BAZ2B: variants seen among roughly 807,000 people sequenced by gnomAD.
BAZ2B encodes the protein bromodomain adjacent to zinc finger domain protein 2B.
BAZ2B carries 91 observed loss-of-function variants against 246.0 expected under a neutral mutation model. The observed-to-expected ratio is 0.37, with a 90% CI of 0.31 to 0.44. BAZ2B has a LOEUF of 0.44. Ranked by LOEUF, BAZ2B falls within the 20% of genes least tolerant of loss-of-function variation. BAZ2B has a pLI of 1.00. For missense variants in BAZ2B, 2,332 were observed against 2,533.7 expected (o/e 0.92, Z 1.71); for synonymous variants, 855 against 860.0 (o/e 0.99, Z 0.10).
chr2:159,488,368 C>A (rs1393640244), intron 2 of BAZ2B, among the ~76,000 whole-genome samples: 1 of 152,100 alleles, frequency 6.6e-6, no homozygotes, highest in Non-Finnish European at 1.5e-5. Context: ...CTACCGCACC[C>A]ACCAATAATT....
chr2:159,373,154 C>A lies in BAZ2B; in HGVS notation c.4104G>T (p.Ala1368=). 1.2e-6 allele frequency: 2 copies of A among 1,613,834 alleles called. No individual in the cohort carries two copies. Among genetic ancestry groups the A allele is most frequent in the East Asian group, 2.2e-5 (1 of 44,860 alleles). The change falls in exon 27 of 37, where the codon GCG becomes GCT. Residue 1368 remains alanine, a synonymous_variant. Transcript: ENST00000392783. ...ACATCACTGAACGCAATGAGTGAGA[C>A]GCATCAAAGAGCTTCCTTCTGTACT... is the stretch of plus-strand genomic sequence containing the variant. ...QSQYRRKLFD[A]SHSLRSVMFG...
At chr2:159,374,896 G>T in intron 25 of BAZ2B, 143 bp from the exon 26 acceptor site, 1 of 676,276 alleles carries the variant, frequency 1.5e-6, no homozygotes, top group Non-Finnish European at 2.5e-6. Context: ...ATCTGGTAGA[G>T]AGATACATAA....
intron 3 of BAZ2B, chr2:159,463,154 C>T: frequency 1.6e-6 from 1 of 628,752 alleles, no homozygotes; most frequent in Non-Finnish European, 3.0e-6. Context: ...AGCCGAATAT[C>T]ACTGAATACT....
intron 6 of BAZ2B, among the ~76,000 whole-genome samples, chr2:159,440,723 C>CTGG (rs1425691325): frequency 6.6e-6 from 1 of 151,900 alleles, no homozygotes; most frequent in Non-Finnish European, 1.5e-5. Flanking sequence ...CTTGGCCAGG[C>CTGG]TGGTCTTGAA....
the BAZ2B span, among the ~76,000 whole-genome samples, chr2:159,695,709 T>C: frequency 1.3e-5 from 2 of 152,186 alleles, no homozygotes; most frequent in Non-Finnish European, 2.9e-5. Flanking sequence ...GGTCTAGTTA[T>C]AAAGTCTCAG....
chr2:159,538,853 G>A (rs1012235924), intron 2 of BAZ2B, among the ~76,000 whole-genome samples: 2 of 152,164 alleles, frequency 1.3e-5, no homozygotes, highest in Non-Finnish European at 2.9e-5. Flanking sequence ...AAAAAGGAAG[G>A]GGAAGAGGAC....
chr2:159,467,637 G>A (rs2077242193), intron 3 of BAZ2B, among the ~76,000 whole-genome samples: 1 of 152,120 alleles, frequency 6.6e-6, no homozygotes, highest in Admixed American at 6.5e-5. Context: ...AGTGTCTTAG[G>A]AAAAAATTTT....
chr2:159,637,534 A>G, the BAZ2B span, among the ~76,000 whole-genome samples: 1 of 152,178 alleles, frequency 6.6e-6, no homozygotes, highest in Non-Finnish European at 1.5e-5. Flanking sequence ...TAGCCATAGT[A>G]AAATAAAACA....
At chr2:159,686,816 A>G in the BAZ2B span, among the ~76,000 whole-genome samples, 12 of 152,144 alleles carry the variant, frequency 7.9e-5, no homozygotes, top group African/African-American at 1.4e-4. Context: ...GCCAAGGCGG[A>G]CGGATCACAA....
the BAZ2B span, among the ~76,000 whole-genome samples, chr2:159,653,794 G>A: frequency 6.6e-6 from 1 of 152,064 alleles, no homozygotes; most frequent in African/African-American, 2.4e-5. Flanking sequence ...GATTTAACAT[G>A]AAACAATGGC....
intron 14 of BAZ2B, among the ~76,000 whole-genome samples, chr2:159,407,072 C>T (rs2066060955): frequency 1.3e-5 from 2 of 151,652 alleles, no homozygotes; most frequent in African/African-American, 4.8e-5. Flanking sequence ...TAAATTTACA[C>T]CACCTTGTTT....
chr2:159,349,197 T>A lies in BAZ2B; in HGVS notation c.4947A>T (p.Ser1649=), dbSNP rs749183355. 1 of 1,614,074 alleles carries A rather than the reference T, an allele frequency of 6.2e-7. No individual in the cohort carries two copies. The highest frequency in any genetic ancestry group is 8.5e-7 in the Non-Finnish European group (1 of 1,179,952). The change falls in exon 29 of 37, where the codon TCA becomes TCT. Residue 1649 remains serine (S), a synonymous_variant. Transcript: ENST00000392783. ...GVVTSNIPFT[S]SVPSLGSGLG... ...ACCCCGATCCTAGACTAGGTACAGATGATGTAAATGGAATATTAGAAGTAA... is the reference window on the plus strand; with the variant it reads ...ACCCCGATCCTAGACTAGGTACAGAAGATGTAAATGGAATATTAGAAGTAA...
At chr2:159,700,586 C>T in the BAZ2B span, among the ~76,000 whole-genome samples, 1 of 152,162 alleles carries the variant, frequency 6.6e-6, no homozygotes, top group East Asian at 1.9e-4. Context: ...GCTGGGACTA[C>T]AGGTGCGTGC....
intron 31 of BAZ2B, among the ~76,000 whole-genome samples, chr2:159,346,411 T>G (rs1168052190): frequency 6.6e-6 from 1 of 152,196 alleles, no homozygotes; most frequent in Non-Finnish European, 1.5e-5. Context: ...CTTTAGTACC[T>G]TAGCAGATTC....
At chr2:159,501,740 ATCT>A (rs1553681585) in intron 2 of BAZ2B, among the ~76,000 whole-genome samples, 5 of 152,230 alleles carry the variant, frequency 3.3e-5, no homozygotes, top group Non-Finnish European at 5.9e-5. Flanking sequence ...AGTTAAGAAT[ATCT>A]GAGTTCCTCA....
intron 14 of BAZ2B, among the ~76,000 whole-genome samples, chr2:159,406,723 C>T (rs755168954): frequency 9.9e-5 from 15 of 151,996 alleles, no homozygotes; most frequent in Admixed American, 3.3e-4. Context: ...ATTTATTGAT[C>T]GCAGGCACTA....
At chr2:159,447,067 G>C in intron 5 of BAZ2B, 92 bp from the exon 6 acceptor site, 5 of 846,838 alleles carry the variant, frequency 5.9e-6, no homozygotes, top group Non-Finnish European at 8.4e-6. Flanking sequence ...GGATGAACTT[G>C]AAAATATGAT....
At chr2:159,347,233 A>G (rs1005361329) in intron 31 of BAZ2B, among the ~76,000 whole-genome samples, 7 of 152,158 alleles carry the variant, frequency 4.6e-5, no homozygotes, top group African/African-American at 1.7e-4. Flanking sequence ...AAGATTACTA[A>G]AAAGAACATG....
intron 1 of BAZ2B, among the ~76,000 whole-genome samples, chr2:159,599,797 G>A (rs536142293): frequency 2.0e-5 from 3 of 151,446 alleles, no homozygotes; most frequent in Non-Finnish European, 4.4e-5. Context: ...TTAGCCGGGC[G>A]TGGTAGCGGA....
Sources: allele counts gnomAD v4.1 joint callset (sites outside exome capture counted in the v4.1 genomes callset), GRCh38; gene constraint gnomAD v4.1.1; transcripts MANE v1.5; gene names NCBI Gene and HGNC (gene_info 2026-07-23, HGNC 2026-07-21).